PLCL1: variants seen among roughly 807,000 people sequenced by gnomAD.
PLCL1 encodes phospholipase C like 1 (inactive), also known as inactive phospholipase C-like protein 1.
Under a neutral mutation model 84.4 loss-of-function variants are expected in PLCL1, and 41 were observed. That is an observed-to-expected ratio of 0.49 (90% CI 0.38 to 0.63). The LOEUF is 0.63. Among genes scored for constraint, PLCL1 ranks in the 30% least tolerant of loss-of-function variants. The pLI is 0.00. For missense variants in PLCL1, 1,206 were observed against 1,367.8 expected, an observed-to-expected ratio of 0.88 and a Z score of 1.87; for synonymous variants, 490 against 488.3, an observed-to-expected ratio of 1.00 and a Z score of -0.05.
intron 1 of PLCL1, among the ~76,000 whole-genome samples, chr2:197,845,837 G>A (rs1315701157): frequency 6.6e-6 from 1 of 152,024 alleles, no homozygotes; most frequent in Non-Finnish European, 1.5e-5. Context: ...TACATCCTGG[G>A]GACATTCTAA....
At chr2:198,087,504 CA>C (rs2105900581) in intron 2 of PLCL1, among the ~76,000 whole-genome samples, 1 of 152,072 alleles carries the variant, frequency 6.6e-6, no homozygotes, top group African/African-American at 2.4e-5. Context: ...TAATCCTCAC[CA>C]AAAATCCCTG....
chr2:197,961,008 A>T (rs549380946), intron 1 of PLCL1, among the ~76,000 whole-genome samples: 1 of 152,230 alleles, frequency 6.6e-6, no homozygotes, highest in African/African-American at 2.4e-5. Context: ...GAATGTTTCC[A>T]AATTTTATTT....
chr2:198,007,586 A>T (rs1690758633), intron 1 of PLCL1, among the ~76,000 whole-genome samples: 1 of 152,210 alleles, frequency 6.6e-6, no homozygotes, highest in Non-Finnish European at 1.5e-5. Context: ...TTAGTTAAAT[A>T]TCACTATTTC....
At chr2:198,133,031 TCAGCTTTCTA>T (rs1377753564) in intron 5 of PLCL1, among the ~76,000 whole-genome samples, 118 of 151,914 alleles carry the variant, frequency 7.8e-4, no homozygotes, top group Non-Finnish European at 4.7e-4. Context: ...GGATCCAGTT[TCAGCTTTCTA>T]CATATGGCTA....
intron 1 of PLCL1, among the ~76,000 whole-genome samples, chr2:197,813,807 A>T (rs1219314801): frequency 6.6e-6 from 1 of 152,170 alleles, no homozygotes; most frequent in African/African-American, 2.4e-5. Context: ...GCCAAGAAGT[A>T]GGTCCAAATA....
In PLCL1 at chr2:197,923,732, T is replaced by C. The variant is rs377613434; in HGVS notation, c.240+118393T>C. On this transcript the variant is annotated intron_variant, in intron 1 of 5. Transcript: ENST00000428675. The stretch of plus-strand genomic sequence containing the variant: ...CAGACGATGGGCGGCCAGGCAGAGA[T>C]GCTCCTCACTTCCCAGACGGGGTGG... 6.1e-3 allele frequency among the ~76,000 whole-genome samples: 875 copies of C among 144,110 alleles called. 6 individuals are homozygous for C. Among genetic ancestry groups the C allele is most frequent in the African/African-American group, 0.022 (822 of 37,652 alleles). The allele number at this position is 144,110 out of a possible 152,430, so 94.5% of individuals were successfully genotyped here. A position where few individuals can be genotyped will look rare whatever the true frequency, so the allele number is the denominator to read the frequency against.
chr2:198,015,511 T>C (rs898509450), intron 1 of PLCL1, among the ~76,000 whole-genome samples: 1 of 152,186 alleles, frequency 6.6e-6, no homozygotes, highest in Admixed American at 6.5e-5. Flanking sequence ...AATCAGTTAA[T>C]ACCTGTTAAG....
intron 1 of PLCL1, among the ~76,000 whole-genome samples, chr2:197,818,056 G>A (rs116803161): frequency 0.013 from 1,957 of 152,066 alleles, 45 homozygotes; most frequent in African/African-American, 0.044. Context: ...GATGATTGGC[G>A]TTAAAAGTAA....
At chr2:197,829,982 A>G (rs997647355) in intron 1 of PLCL1, among the ~76,000 whole-genome samples, 3 of 152,242 alleles carry the variant, frequency 2.0e-5, no homozygotes, top group Admixed American at 6.5e-5. Context: ...GTCACAAAAT[A>G]CCTTGAAACT....
At chr2:197,955,162 A>G (rs991788630) in intron 1 of PLCL1, among the ~76,000 whole-genome samples, 1 of 152,074 alleles carries the variant, frequency 6.6e-6, no homozygotes, top group Admixed American at 6.6e-5. Flanking sequence ...GGAGTCTCCT[A>G]GCTTTTCTCC....
chr2:197,929,154 C>A (rs1432307759), intron 1 of PLCL1, among the ~76,000 whole-genome samples: 2 of 152,050 alleles, frequency 1.3e-5, no homozygotes, highest in African/African-American at 2.4e-5. Context: ...TCATTAATGC[C>A]ATAGTGACAT....
intron 1 of PLCL1, among the ~76,000 whole-genome samples, chr2:197,863,163 G>GT (rs71012994): frequency 0.07 from 9,384 of 134,512 alleles, 377 homozygotes; most frequent in African/African-American, 0.13. Context: ...TTCTTAAAGC[G>GT]TTTTTTTTTT....
At chr2:197,895,201 T>A (rs761051519) in intron 1 of PLCL1, among the ~76,000 whole-genome samples, 1 of 151,892 alleles carries the variant, frequency 6.6e-6, no homozygotes, top group African/African-American at 2.4e-5. Flanking sequence ...AGAATAAAAG[T>A]GCTCCCTCAA....
intron 1 of PLCL1, among the ~76,000 whole-genome samples, chr2:198,063,923 A>G (rs11889006): frequency 0.62 from 94,706 of 151,984 alleles, 30,161 homozygotes; most frequent in Middle Eastern, 0.84. Flanking sequence ...AAGAGCAAGT[A>G]CTCCAGGAGT....
intron 1 of PLCL1, among the ~76,000 whole-genome samples, chr2:198,031,042 T>G (rs1224945152): frequency 6.6e-6 from 1 of 152,158 alleles, no homozygotes; most frequent in Non-Finnish European, 1.5e-5. Context: ...ATGCCATACA[T>G]CATGCCTTAG....
intron 5 of PLCL1, among the ~76,000 whole-genome samples, chr2:198,141,078 G>A (rs1694374791): frequency 6.6e-6 from 1 of 152,120 alleles, no homozygotes; most frequent in South Asian, 2.1e-4. Context: ...TAGAGTTTCA[G>A]AAGAATAACA....
intron 1 of PLCL1, among the ~76,000 whole-genome samples, chr2:197,999,719 C>A (rs1690555101): frequency 6.6e-6 from 1 of 152,126 alleles, no homozygotes. Flanking sequence ...TGCCTTAGTG[C>A]AGATTCTGGA....
chr2:197,955,284 C>T (rs1689463331), intron 1 of PLCL1, among the ~76,000 whole-genome samples: 1 of 151,978 alleles, frequency 6.6e-6, no homozygotes, highest in Admixed American at 6.6e-5. Flanking sequence ...CCAAATAAAA[C>T]CCAAACACTG....
chr2:197,811,258 C>T (rs1386177017), intron 1 of PLCL1, among the ~76,000 whole-genome samples: 2 of 152,238 alleles, frequency 1.3e-5, no homozygotes, highest in Non-Finnish European at 2.9e-5. Context: ...TTCGGTCTTA[C>T]ATATTGGCAA....
Sources: gnomAD v4.1 joint callset for allele counts (sites outside exome capture counted in the v4.1 genomes callset) on GRCh38, gnomAD v4.1.1 for gene constraint, MANE v1.5 for transcripts, NCBI Gene and HGNC (gene_info 2026-07-23, HGNC 2026-07-21) for gene names.